The following SGCZ variants were observed in gnomAD, a reference collection of about 807,000 sequenced individuals.
SGCZ encodes the protein zeta-sarcoglycan.
Under a neutral mutation model 41.3 loss-of-function variants are expected in SGCZ, and 40 were observed. That is an observed-to-expected ratio of 0.97 (90% confidence interval 0.75 to 1.26). SGCZ has a LOEUF of 1.26. Among genes scored for constraint, SGCZ ranks in the 50% most tolerant of loss-of-function variants. The pLI is 0.00. For missense variants in SGCZ, 552 were observed against 369.8 expected (o/e 1.49, Z -4.04); for synonymous variants, 206 against 137.5 (o/e 1.50, Z -3.49).
At chr8:14,838,493 G>C (rs1183544530) in intron 1 of SGCZ, among the ~76,000 whole-genome samples, 1 of 152,040 alleles carries the variant, frequency 6.6e-6, no homozygotes, top group East Asian at 1.9e-4. Flanking sequence ...ATCATCCCAG[G>C]AGCAGGTACC....
At chr8:14,415,538 G>A (rs1799470967) in intron 2 of SGCZ, among the ~76,000 whole-genome samples, 1 of 151,878 alleles carries the variant, frequency 6.6e-6, no homozygotes, top group Non-Finnish European at 1.5e-5. Context: ...CTGTCATCAT[G>A]GAAATCATAT....
rs566011566 is a variant in SGCZ, at chr8:15,185,287, A to T, written c.39+52298T>A. Among the ~76,000 whole-genome samples, 4 of 152,336 alleles carry T rather than the reference A, an allele frequency of 2.6e-5. No individual in the cohort carries two copies. In the East Asian group the frequency reaches 5.8e-4, roughly 22 times the overall value. On this transcript the variant is annotated intron_variant, in intron 1 of 7. Transcript: ENST00000382080. ...GAATTAACAACAGCAGATTTTTACT[A>T]AAGAGCCAAAGCTCTGAGGTTTCAC... is the stretch of plus-strand genomic sequence containing the variant.
At chr8:14,333,584 A>G (rs548102149) in intron 2 of SGCZ, among the ~76,000 whole-genome samples, 3 of 152,204 alleles carry the variant, frequency 2.0e-5, no homozygotes, top group Non-Finnish European at 4.4e-5. Flanking sequence ...TCCTACTCAG[A>G]TATTCATAGT....
intron 1 of SGCZ, among the ~76,000 whole-genome samples, chr8:14,943,884 A>G (rs1363712145): frequency 6.6e-6 from 1 of 152,072 alleles, no homozygotes; most frequent in Non-Finnish European, 1.5e-5. Flanking sequence ...TCTAGCTCTA[A>G]CCATGTTACT....
chr8:14,454,925 C>T (rs1800699684), intron 2 of SGCZ, among the ~76,000 whole-genome samples: 1 of 152,162 alleles, frequency 6.6e-6, no homozygotes, highest in Middle Eastern at 3.4e-3. Flanking sequence ...CATACAAGTG[C>T]TAGGAGAAGA....
chr8:14,507,775 T>TTG (rs1491167230), intron 2 of SGCZ, among the ~76,000 whole-genome samples: 1 of 18,872 alleles, frequency 5.3e-5, no homozygotes, highest in African/African-American at 4.5e-4. Flanking sequence ...TTTGTTTTTG[T>TTG]TTTTTTTTTT....
intron 2 of SGCZ, among the ~76,000 whole-genome samples, chr8:14,539,663 T>G (rs1197135188): frequency 6.6e-6 from 1 of 151,900 alleles, no homozygotes; most frequent in Non-Finnish European, 1.5e-5. Context: ...GCCTAGTAGT[T>G]GTTATTTATT....
intron 1 of SGCZ, among the ~76,000 whole-genome samples, chr8:14,746,866 C>T (rs757732335): frequency 5.9e-5 from 9 of 152,100 alleles, no homozygotes; most frequent in Non-Finnish European, 1.2e-4. Flanking sequence ...TTAACATAAG[C>T]ATCTTTCAAC....
intron 1 of SGCZ, among the ~76,000 whole-genome samples, chr8:15,131,549 T>C (rs1038431149): frequency 7.9e-5 from 12 of 152,272 alleles, no homozygotes; most frequent in African/African-American, 2.4e-4. Flanking sequence ...AATCAAATGA[T>C]ATTTTATTTT....
At chr8:15,052,220 C>T (rs1007410987) in intron 1 of SGCZ, among the ~76,000 whole-genome samples, 2 of 152,128 alleles carry the variant, frequency 1.3e-5, no homozygotes, top group Non-Finnish European at 1.5e-5. Context: ...GTTACCCTAA[C>T]CTTAGGTATG....
intron 1 of SGCZ, among the ~76,000 whole-genome samples, chr8:14,558,635 G>T (rs527636374): frequency 1.5e-5 from 2 of 136,590 alleles, no homozygotes; most frequent in South Asian, 2.5e-4. Flanking sequence ...ATAATTATAT[G>T]ATGCCAGTAT....
chr8:14,095,767 C>G (rs929438932), intron 7 of SGCZ, among the ~76,000 whole-genome samples: 2 of 152,120 alleles, frequency 1.3e-5, no homozygotes, highest in African/African-American at 4.8e-5. Context: ...TTTGTGTCCT[C>G]TCTTATTTCC....
At chr8:14,954,794 A>G (rs1286819016) in intron 1 of SGCZ, among the ~76,000 whole-genome samples, 1 of 152,180 alleles carries the variant, frequency 6.6e-6, no homozygotes, top group Non-Finnish European at 1.5e-5. Flanking sequence ...CCTGCGAGAT[A>G]CACTGAAGCA....
intron 2 of SGCZ, among the ~76,000 whole-genome samples, chr8:14,463,922 T>C (rs567637531): frequency 1.0e-3 from 147 of 143,734 alleles, no homozygotes; most frequent in Admixed American, 1.8e-3. Flanking sequence ...GTGTGTTACC[T>C]TGATTGACTT....
chr8:14,678,856 A>T (rs1389215195), intron 1 of SGCZ, among the ~76,000 whole-genome samples: 1 of 152,232 alleles, frequency 6.6e-6, no homozygotes, highest in Non-Finnish European at 1.5e-5. Flanking sequence ...CATTAAAGAT[A>T]AATAAAATAT....
At chr8:14,796,306 G>C (rs1004275191) in intron 1 of SGCZ, among the ~76,000 whole-genome samples, 1 of 152,076 alleles carries the variant, frequency 6.6e-6, no homozygotes, top group African/African-American at 2.4e-5. Flanking sequence ...ATTTTATTGA[G>C]AGACAGAATC....
chr8:14,711,599 A>T (rs1055398250), intron 1 of SGCZ, among the ~76,000 whole-genome samples: 2 of 9,786 alleles, frequency 2.0e-4, no homozygotes, highest in African/African-American at 3.3e-4. Context: ...GAGACTCTGT[A>T]AAAAAAAAAA....
intron 2 of SGCZ, among the ~76,000 whole-genome samples, chr8:14,538,726 A>G (rs933702140): frequency 4.6e-5 from 7 of 151,960 alleles, no homozygotes; most frequent in Non-Finnish European, 1.0e-4. Context: ...GGTGTAAGTG[A>G]GGCAGAAGAG....
chr8:14,363,085 T>C (rs1013825885), intron 2 of SGCZ, among the ~76,000 whole-genome samples: 2 of 152,214 alleles, frequency 1.3e-5, no homozygotes, highest in African/African-American at 4.8e-5. Flanking sequence ...AAAGAGAGAA[T>C]GTAATAAAAT....
Sources: allele counts gnomAD v4.1 joint callset (sites outside exome capture counted in the v4.1 genomes callset), GRCh38; gene constraint gnomAD v4.1.1; transcripts MANE v1.5; gene names NCBI Gene and HGNC (gene_info 2026-07-23, HGNC 2026-07-21).